The following WWOX variants were observed in gnomAD, a reference collection of about 807,000 sequenced individuals.
WWOX encodes WW domain-containing oxidoreductase.
Under a neutral mutation model 46.2 loss-of-function variants are expected in WWOX, and 69 were observed. That is an observed-to-expected ratio of 1.49 (90% CI 1.23 to 1.82). WWOX has a LOEUF of 1.82. Ranked by LOEUF, WWOX falls within the 40% of genes most tolerant of loss-of-function variation. WWOX has a pLI of 0.00. For missense variants in WWOX, 919 were observed against 542.6 expected, an observed-to-expected ratio of 1.69 and a Z score of -6.89; for synonymous variants, 359 against 202.6, an observed-to-expected ratio of 1.77 and a Z score of -6.56.
intron 5 of WWOX, among the ~76,000 whole-genome samples, chr16:78,292,703 G>A (rs2079879479): frequency 6.6e-6 from 1 of 152,156 alleles, no homozygotes; most frequent in East Asian, 1.9e-4. Flanking sequence ...GCTAAATAAG[G>A]CAGGAAATTC....
rs62033998 is a variant in WWOX at position 78,557,341 on chromosome 16, T to C, written c.1056+124589T>C. On this transcript the variant is annotated intron_variant, in intron 8 of 8. Transcript: ENST00000566780. ...AAACCAATACCAACTTCAGTGATAT[T>C]ATTTCTCCGCCCCCCGCACCGGGCT... is the stretch of plus-strand genomic sequence containing the variant. Among the ~76,000 whole-genome samples, 698 of 152,300 alleles carry C rather than the reference T, an allele frequency of 4.6e-3. 5 individuals are homozygous for C. The highest frequency in any genetic ancestry group is 7.6e-3 in the Non-Finnish European group (516 of 68,026).
intron 8 of WWOX, among the ~76,000 whole-genome samples, chr16:78,785,760 A>G (rs1359608965): frequency 6.6e-6 from 1 of 152,230 alleles, no homozygotes; most frequent in African/African-American, 2.4e-5. Flanking sequence ...AAAATAAGAC[A>G]TATGTCAGAA....
intron 8 of WWOX, among the ~76,000 whole-genome samples, chr16:78,868,989 G>C (rs758590805): frequency 2.0e-5 from 3 of 151,842 alleles, no homozygotes; most frequent in African/African-American, 4.8e-5. Flanking sequence ...ACATGCATGC[G>C]ATCTGTAAAA....
At chr16:78,448,622 G>C (rs1257129389) in intron 8 of WWOX, among the ~76,000 whole-genome samples, 1 of 152,184 alleles carries the variant, frequency 6.6e-6, no homozygotes, top group East Asian at 1.9e-4. Context: ...CAGGAGCATG[G>C]CTCACAAATT....
intron 8 of WWOX, among the ~76,000 whole-genome samples, chr16:78,574,758 A>G (rs562037109): frequency 1.3e-5 from 2 of 151,370 alleles, no homozygotes; most frequent in African/African-American, 2.4e-5. Flanking sequence ...CCAAGCTCAT[A>G]GAATAGAAAC....
intron 8 of WWOX, among the ~76,000 whole-genome samples, chr16:78,689,651 T>C (rs1480082306): frequency 1.3e-5 from 2 of 152,180 alleles, no homozygotes; most frequent in Non-Finnish European, 2.9e-5. Context: ...CCTACCCTTG[T>C]GGTTCCTTGT....
chr16:78,816,654 C>G (rs1239422058), intron 8 of WWOX, among the ~76,000 whole-genome samples: 2 of 151,826 alleles, frequency 1.3e-5, no homozygotes, highest in Non-Finnish European at 2.9e-5. Flanking sequence ...ATTAAAAGCA[C>G]AACCAAATTG....
At chr16:78,463,662 C>T (rs1360585933) in intron 8 of WWOX, among the ~76,000 whole-genome samples, 1 of 152,160 alleles carries the variant, frequency 6.6e-6, no homozygotes, top group Non-Finnish European at 1.5e-5. Flanking sequence ...TTTTTTGATT[C>T]TGTGACTGTT....
intron 5 of WWOX, among the ~76,000 whole-genome samples, chr16:78,231,146 A>T (rs2037249623): frequency 1.3e-5 from 2 of 152,148 alleles, no homozygotes; most frequent in Admixed American, 1.3e-4. Flanking sequence ...GACTTAGTTT[A>T]GTTTTGTTTT....
chr16:78,191,651 C>T (rs1156803774), intron 5 of WWOX, among the ~76,000 whole-genome samples: 1 of 152,076 alleles, frequency 6.6e-6, no homozygotes, highest in African/African-American at 2.4e-5. Flanking sequence ...GTGGAATTAA[C>T]ATAGATTTCC....
At chr16:78,295,553 A>G (rs554880260) in intron 5 of WWOX, among the ~76,000 whole-genome samples, 1 of 152,270 alleles carries the variant, frequency 6.6e-6, no homozygotes, top group Admixed American at 6.5e-5. Context: ...CTCTACTAAA[A>G]TACAAAAATT....
chr16:78,681,038 C>G (rs754415080), intron 8 of WWOX, among the ~76,000 whole-genome samples: 69 of 152,240 alleles, frequency 4.5e-4, no homozygotes, highest in Admixed American at 8.5e-4. Flanking sequence ...TGCCTGAGGT[C>G]GAGAGTTCGA....
At chr16:78,887,058 G>A (rs1395359174) in intron 8 of WWOX, among the ~76,000 whole-genome samples, 1 of 143,694 alleles carries the variant, frequency 7.0e-6, no homozygotes, top group Non-Finnish European at 1.5e-5. Flanking sequence ...TGACAGTCTG[G>A]CTATATGTGT....
intron 4 of WWOX, among the ~76,000 whole-genome samples, chr16:78,149,127 G>A (rs1396777516): frequency 2.0e-5 from 3 of 152,022 alleles, no homozygotes; most frequent in Non-Finnish European, 4.4e-5. Context: ...AAAGTGCTGG[G>A]ATTATACTTT....
At chr16:78,872,975 T>G (rs1299631749) in intron 8 of WWOX, 1 of 152,224 alleles carries the variant, frequency 6.6e-6, no homozygotes, top group South Asian at 2.1e-4. Context: ...TCTTTGTGTT[T>G]CTGTAAAGAT....
intron 6 of WWOX, among the ~76,000 whole-genome samples, chr16:78,413,190 C>G (rs559148559): frequency 6.6e-6 from 1 of 152,276 alleles, no homozygotes; most frequent in East Asian, 1.9e-4. Context: ...TCAAATCAAT[C>G]TCCCCGAGAA....
At chr16:79,145,212 A>G (rs1171707237) in intron 8 of WWOX, among the ~76,000 whole-genome samples, 1 of 152,204 alleles carries the variant, frequency 6.6e-6, no homozygotes, top group Non-Finnish European at 1.5e-5. Flanking sequence ...ACAGCAACCA[A>G]TTAAAGAACA....
At chr16:78,702,666 C>CA (rs59090960) in intron 8 of WWOX, among the ~76,000 whole-genome samples, 70,201 of 134,288 alleles carry the variant, frequency 0.52, 17,075 homozygotes, top group Admixed American at 0.57. Flanking sequence ...AAAAAAAGAA[C>CA]AAAAAAAAAA....
chr16:78,748,469 C>T (rs371602990), intron 8 of WWOX, among the ~76,000 whole-genome samples: 1 of 152,214 alleles, frequency 6.6e-6, no homozygotes, highest in South Asian at 2.1e-4. Context: ...TCCAGGCATG[C>T]TGGCTGTAAA....
Sources: allele counts gnomAD v4.1 joint callset (sites outside exome capture counted in the v4.1 genomes callset), GRCh38; gene constraint gnomAD v4.1.1; transcripts MANE v1.5; gene names NCBI Gene and HGNC (gene_info 2026-07-23, HGNC 2026-07-21).